TSHZ3: variants seen among roughly 807,000 people sequenced by gnomAD.
TSHZ3 encodes the protein teashirt homolog 3.
In TSHZ3, 10 loss-of-function variants were observed where a neutral mutation model predicts 64.5. The ratio of observed to expected loss-of-function variants is 0.16; its 90% CI spans 0.10 to 0.26. TSHZ3 has a LOEUF of 0.26. Ranked by LOEUF, TSHZ3 falls within the 10% of genes least tolerant of loss-of-function variation. The probability of loss-of-function intolerance (pLI) is 1.00; values close to 1 mark genes in which losing one functional copy is unlikely to be tolerated. For missense variants in TSHZ3, 1,242 were observed against 1,421.7 expected (o/e 0.87, Z 2.03); for synonymous variants, 608 against 593.1 (o/e 1.03, Z -0.36).
At position 31,262,900 on chromosome 19, in the gene TSHZ3, A is replaced by G. The variant is rs1436547466; in HGVS notation, n.64-20025T>C. 1.3e-5 allele frequency among the ~76,000 whole-genome samples: 2 copies of G among 152,236 alleles called. 1 individual carries two copies. Among genetic ancestry groups the G allele is most frequent in the Non-Finnish European group, 2.9e-5 (2 of 68,032 alleles). Reference sequence around the variant, plus strand: ...TACATAAAATGAATAGTTAACTCGGACAAGAGCTGATGGACGCAACAGTTG... The same window carrying G: ...TACATAAAATGAATAGTTAACTCGGGCAAGAGCTGATGGACGCAACAGTTG... On this transcript the variant is annotated intron_variant and non_coding_transcript_variant, in intron 1 of 6. Coordinates refer to the TSHZ3 transcript ENST00000651361.
chr19:31,285,459 G>T (rs1365686059), intron 1 of TSHZ3, among the ~76,000 whole-genome samples: 1 of 141,880 alleles, frequency 7.0e-6, no homozygotes, highest in Non-Finnish European at 1.5e-5. Flanking sequence ...AAGCCTGGGT[G>T]ACAGAGTGAT....
intron 1 of TSHZ3, among the ~76,000 whole-genome samples, chr19:31,295,522 A>G (rs1976646795): frequency 6.6e-6 from 1 of 152,216 alleles, no homozygotes; most frequent in Non-Finnish European, 1.5e-5. Context: ...TCACAGCAAC[A>G]AAATATTTTA....
intron 1 of TSHZ3, among the ~76,000 whole-genome samples, chr19:31,342,247 G>A (rs1035985184): frequency 3.3e-5 from 5 of 152,332 alleles, no homozygotes; most frequent in African/African-American, 1.2e-4. Context: ...TATTGTTGGG[G>A]TGTATTTTCT....
intron 6 of TSHZ3, among the ~76,000 whole-genome samples, chr19:31,153,785 G>C (rs956226641): frequency 6.6e-6 from 1 of 152,312 alleles, no homozygotes; most frequent in South Asian, 2.1e-4. Context: ...GTTGTTGACT[G>C]TTAGGTAATT....
chr19:31,225,854 C>T (rs749045387), intron 4 of TSHZ3, among the ~76,000 whole-genome samples: 6 of 152,114 alleles, frequency 3.9e-5, no homozygotes, highest in African/African-American at 9.7e-5. Flanking sequence ...CAGCTGGGCA[C>T]GGTGGCTCAT....
chr19:31,150,622 G>A lies in TSHZ3; in HGVS notation n.1994C>T, dbSNP rs540710482. ...ACGGGCAGGATGGCCCACAGCGCAC[G>A]GGGCAGACACAATCAGATTTTTTGC... is the stretch of plus-strand genomic sequence containing the variant. On this transcript the variant is annotated non_coding_transcript_exon_variant, in exon 7 of 7. Coordinates refer to the TSHZ3 transcript ENST00000651361. Among the ~76,000 whole-genome samples, 6 of 152,316 alleles carry A rather than the reference G, an allele frequency of 3.9e-5. No homozygotes were observed. In the South Asian group the frequency reaches 6.2e-4, roughly 16 times the overall value.
intron 1 of TSHZ3, among the ~76,000 whole-genome samples, chr19:31,242,936 A>G (rs1257835863): frequency 2.6e-5 from 4 of 152,186 alleles, no homozygotes; most frequent in Admixed American, 2.6e-4. Context: ...TTGGGACCCC[A>G]GCAGATTGGA....
At chr19:31,280,831 G>C (rs1249914331) in intron 1 of TSHZ3, among the ~76,000 whole-genome samples, 1 of 152,222 alleles carries the variant, frequency 6.6e-6, no homozygotes, top group Non-Finnish European at 1.5e-5. Flanking sequence ...GAGAATACTT[G>C]CGTTAATGCA....
At chr19:31,220,271 C>T (rs1975380870) in intron 4 of TSHZ3, among the ~76,000 whole-genome samples, 1 of 152,172 alleles carries the variant, frequency 6.6e-6, no homozygotes, top group Non-Finnish European at 1.5e-5. Flanking sequence ...AATAAAAACA[C>T]AATAATCACA....
intron 1 of TSHZ3, among the ~76,000 whole-genome samples, chr19:31,284,784 G>A (rs1481464274): frequency 6.6e-6 from 1 of 152,122 alleles, no homozygotes; most frequent in Non-Finnish European, 1.5e-5. Flanking sequence ...GTCAGGACGA[G>A]ACCCCACACA....
chr19:31,238,858 G>T (rs1266288865), intron 3 of TSHZ3, among the ~76,000 whole-genome samples: 13 of 152,062 alleles, frequency 8.5e-5, no homozygotes, highest in Non-Finnish European at 7.4e-5. Flanking sequence ...TTTTCATTGG[G>T]ATGCTTAGTA....
intron 3 of TSHZ3, among the ~76,000 whole-genome samples, chr19:31,231,070 G>T (rs1254216420): frequency 6.6e-6 from 1 of 151,888 alleles, no homozygotes; most frequent in East Asian, 1.9e-4. Context: ...TAATAATGAG[G>T]ATGATCACAA....
At chr19:31,200,998 T>C (rs542408211) in intron 5 of TSHZ3, among the ~76,000 whole-genome samples, 1 of 102,050 alleles carries the variant, frequency 9.8e-6, no homozygotes, top group Admixed American at 9.5e-5. Context: ...AGCAGTGTGG[T>C]GTCAGGGGAA....
chr19:31,194,650 A>G (rs1974959304), intron 5 of TSHZ3, among the ~76,000 whole-genome samples: 1 of 152,192 alleles, frequency 6.6e-6, no homozygotes, highest in South Asian at 2.1e-4. Context: ...ATTTCTTTTT[A>G]TCCAGTACAT....
chr19:31,266,660 GA>G (rs1233898897), intron 1 of TSHZ3, among the ~76,000 whole-genome samples: 2 of 151,928 alleles, frequency 1.3e-5, no homozygotes, highest in Non-Finnish European at 2.9e-5. Context: ...TCTCCAAAAA[GA>G]AAAAAAGTTG....
At chr19:31,324,653 C>T (rs569482632) in intron 1 of TSHZ3, among the ~76,000 whole-genome samples, 1 of 152,346 alleles carries the variant, frequency 6.6e-6, no homozygotes, top group Non-Finnish European at 1.5e-5. Context: ...CATTCTGCAC[C>T]AACTCTCTGA....
intron 5 of TSHZ3, among the ~76,000 whole-genome samples, chr19:31,201,170 C>T (rs1325578264): frequency 1.3e-5 from 2 of 152,152 alleles, no homozygotes; most frequent in East Asian, 1.9e-4. Context: ...CAGAAAATTA[C>T]TCTACAGGTA....
Position 31,194,127 on chromosome 19 carries a change from G to A in TSHZ3, n.809+10829C>T, listed in dbSNP as rs539204399. On this transcript the variant is annotated intron_variant and non_coding_transcript_variant, in intron 5 of 6. Coordinates refer to the TSHZ3 transcript ENST00000651361. ...TTCTGAAGGAATCAGCGCCAAAGTC[G>A]GGAAATCTGAACTGTAATTGATGAC... Among the ~76,000 whole-genome samples the A allele has an allele frequency of 3.9e-5, 6 of 152,242 alleles. No homozygotes were observed. In the South Asian group the frequency reaches 8.3e-4, roughly 21 times the overall value.
intron 1 of TSHZ3, among the ~76,000 whole-genome samples, chr19:31,260,173 A>T (rs1425752547): frequency 6.6e-6 from 1 of 151,744 alleles, no homozygotes; most frequent in Non-Finnish European, 1.5e-5. Context: ...TGCTGTTGTG[A>T]TTTTGGCTAA....
Sources: gnomAD v4.1 joint callset for allele counts (sites outside exome capture counted in the v4.1 genomes callset) on GRCh38, gnomAD v4.1.1 for gene constraint, MANE v1.5 for transcripts, NCBI Gene and HGNC (gene_info 2026-07-23, HGNC 2026-07-21) for gene names.